Variants in MAGI2 observed in about 807,000 individuals in gnomAD.
The protein encoded by MAGI2 is membrane-associated guanylate kinase, WW and PDZ domain-containing protein 2.
In MAGI2, 35 loss-of-function variants were observed where a neutral mutation model predicts 133.3. The ratio of observed to expected loss-of-function variants is 0.26; its 90% CI spans 0.20 to 0.35. MAGI2 has a LOEUF of 0.35. MAGI2 is among the 10% of genes least tolerant of loss of function. The pLI is 1.00. For missense variants in MAGI2, 1,636 were observed against 1,863.4 expected, an observed-to-expected ratio of 0.88 and a Z score of 2.25; for synonymous variants, 729 against 710.6, an observed-to-expected ratio of 1.03 and a Z score of -0.41.
intron 1 of MAGI2, among the ~76,000 whole-genome samples, chr7:79,070,636 C>T (rs929136652): frequency 3.3e-5 from 5 of 151,652 alleles, no homozygotes; most frequent in African/African-American, 1.2e-4. Flanking sequence ...GGACTACAGG[C>T]GCCCACCACC....
At chr7:78,031,215 G>T (rs740215) in intron 21 of MAGI2, among the ~76,000 whole-genome samples, 37,654 of 152,046 alleles carry the variant, frequency 0.25, 7,091 homozygotes, top group East Asian at 0.64. Flanking sequence ...TGTAGGAGGA[G>T]GCTTGACTAC....
intron 1 of MAGI2, among the ~76,000 whole-genome samples, chr7:79,078,818 T>C (rs1480959179): frequency 6.6e-6 from 1 of 152,178 alleles, no homozygotes; most frequent in Non-Finnish European, 1.5e-5. Flanking sequence ...CCCATGTGTA[T>C]GTGTGAGTTT....
At chr7:78,239,768 G>A (rs959229960) in intron 10 of MAGI2, among the ~76,000 whole-genome samples, 1 of 152,222 alleles carries the variant, frequency 6.6e-6, no homozygotes, top group Non-Finnish European at 1.5e-5. Flanking sequence ...AGGTGTTGGA[G>A]AGGATGTGGA....
At chr7:78,362,616 A>C (rs112746020) in intron 7 of MAGI2, among the ~76,000 whole-genome samples, 2 of 152,316 alleles carry the variant, frequency 1.3e-5, no homozygotes, top group African/African-American at 4.8e-5. Flanking sequence ...AGCCTGAGTC[A>C]GCTAGAAGGA....
chr7:78,838,758 G>T (rs1360147979), intron 2 of MAGI2, among the ~76,000 whole-genome samples: 1 of 151,900 alleles, frequency 6.6e-6, no homozygotes, highest in African/African-American at 2.4e-5. Flanking sequence ...GACATACAGA[G>T]TCACAAAACT....
At chr7:78,744,466 T>C (rs1357989669) in intron 2 of MAGI2, among the ~76,000 whole-genome samples, 1 of 152,220 alleles carries the variant, frequency 6.6e-6, no homozygotes, top group Non-Finnish European at 1.5e-5. Context: ...GGAATATGAA[T>C]TTAATTGTTT....
chr7:78,573,777 T>A (rs1025249253), intron 3 of MAGI2, among the ~76,000 whole-genome samples: 1 of 151,902 alleles, frequency 6.6e-6, no homozygotes, highest in Non-Finnish European at 1.5e-5. Context: ...GCACATTGAA[T>A]GGTGAGTTGG....
At chr7:78,151,913 G>A (rs1823910185) in intron 16 of MAGI2, among the ~76,000 whole-genome samples, 1 of 152,024 alleles carries the variant, frequency 6.6e-6, no homozygotes, top group Admixed American at 6.6e-5. Flanking sequence ...CACTGTATGA[G>A]AAGCATACAG....
chr7:78,787,768 G>T (rs1826957770), intron 2 of MAGI2, among the ~76,000 whole-genome samples: 1 of 152,194 alleles, frequency 6.6e-6, no homozygotes, highest in South Asian at 2.1e-4. Context: ...GTGCCTAGAA[G>T]TATAGAAGAT....
At chr7:78,129,935 C>CAAAAAAA (rs61675652) in intron 18 of MAGI2, among the ~76,000 whole-genome samples, 10 of 57,156 alleles carry the variant, frequency 1.7e-4, no homozygotes, top group Non-Finnish European at 2.8e-4. Context: ...AACTCCGCCT[C>CAAAAAAA]AAAAAAAAAA....
chr7:78,905,824 C>CA (rs747599577), intron 2 of MAGI2, among the ~76,000 whole-genome samples: 1 of 151,972 alleles, frequency 6.6e-6, no homozygotes, highest in South Asian at 2.1e-4. Context: ...GGTCACATAC[C>CA]AAAAACATGA....
intron 1 of MAGI2, among the ~76,000 whole-genome samples, chr7:79,024,515 GCAAAA>G (rs138227043): frequency 0.59 from 88,083 of 150,504 alleles, 26,044 homozygotes; most frequent in East Asian, 0.63. Flanking sequence ...CTTCTGCATA[GCAAAA>G]CAAAACAAAA....
chr7:79,293,406 C>A lies in MAGI2; in HGVS notation c.301+159614G>T, dbSNP rs1836660032. 1.3e-5 allele frequency among the ~76,000 whole-genome samples: 2 copies of A among 151,926 alleles called. 1 individual carries two copies. The highest frequency in any genetic ancestry group is 4.2e-4 in the South Asian group (2 of 4,812). On this transcript the variant is annotated intron_variant, in intron 1 of 21. Coordinates refer to ENST00000354212, the MANE Select transcript of MAGI2 (RefSeq NM_012301.4). The stretch of plus-strand genomic sequence containing the variant: ...ATTTCTTTATTGTCTAGCTTCTTAC[C>A]TAAAATATAGACTCCAGAATCTTGA...
chr7:78,127,089 A>T (rs1213132145), intron 19 of MAGI2, 108 bp downstream of exon 19: 1 of 829,564 alleles, frequency 1.2e-6, no homozygotes, highest in Non-Finnish European at 1.9e-6. Flanking sequence ...ATAGAACTTC[A>T]GCTCTCCATC....
intron 21 of MAGI2, among the ~76,000 whole-genome samples, chr7:78,024,216 C>A (rs74793623): frequency 6.6e-6 from 1 of 152,156 alleles, no homozygotes; most frequent in South Asian, 2.1e-4. Context: ...TTGCAGATTC[C>A]TCTTATTTTA....
In MAGI2 at chr7:78,287,946, T is replaced by G. The variant is rs975980726; in HGVS notation, c.1409-31365A>C. Among the ~76,000 whole-genome samples, 14 of 152,188 alleles carry G rather than the reference T, an allele frequency of 9.2e-5. No individual in the cohort carries two copies. The East Asian group carries it at 2.7e-3, about 29-fold the overall frequency. Reference sequence around the variant, plus strand: ...TGAGACTAGTTGTGTCAAACATCTTTCTATCAGGATATGTTCTAGACTTAA... The same window carrying G: ...TGAGACTAGTTGTGTCAAACATCTTGCTATCAGGATATGTTCTAGACTTAA... On this transcript the variant is annotated intron_variant, in intron 9 of 21. Coordinates refer to ENST00000354212, the MANE Select transcript of MAGI2 (RefSeq NM_012301.4).
At chr7:78,868,963 C>A (rs1311137837) in intron 2 of MAGI2, among the ~76,000 whole-genome samples, 2 of 152,174 alleles carry the variant, frequency 1.3e-5, no homozygotes, top group African/African-American at 2.4e-5. Flanking sequence ...CCATGTTAGC[C>A]AGGATGGTCT....
At chr7:79,198,711 AC>A (rs1370970325) in intron 1 of MAGI2, among the ~76,000 whole-genome samples, 1 of 151,728 alleles carries the variant, frequency 6.6e-6, no homozygotes, top group Non-Finnish European at 1.5e-5. Context: ...ACATGGTGAA[AC>A]CCTGTCTCTA....
At chr7:78,322,765 A>T (rs1788141431) in intron 9 of MAGI2, among the ~76,000 whole-genome samples, 1 of 152,114 alleles carries the variant, frequency 6.6e-6, no homozygotes, top group Non-Finnish European at 1.5e-5. Flanking sequence ...ATAAAAAAAA[A>T]TTAGGTGAAC....
Sources: gnomAD v4.1 joint callset for allele counts (sites outside exome capture counted in the v4.1 genomes callset) on GRCh38, gnomAD v4.1.1 for gene constraint, MANE v1.5 for transcripts, NCBI Gene and HGNC (gene_info 2026-07-23, HGNC 2026-07-21) for gene names.